Variants in GPCPD1 observed in about 807,000 individuals in gnomAD.
GPCPD1 encodes glycerophosphocholine phosphodiesterase 1.
In GPCPD1, 29 loss-of-function variants were observed where a neutral mutation model predicts 89.2. The ratio of observed to expected loss-of-function variants is 0.33; its 90% CI spans 0.24 to 0.44. GPCPD1 has a LOEUF of 0.44. GPCPD1 is among the 20% of genes least tolerant of loss of function. GPCPD1 has a pLI of 1.00. For synonymous variants in GPCPD1, 258 were observed against 266.3 expected (o/e 0.97, Z 0.30); for missense variants, 594 against 808.9 (o/e 0.73, Z 3.22).
chr20:5,596,617 A>G (rs530075888), intron 3 of GPCPD1, among the ~76,000 whole-genome samples: 67 of 152,298 alleles, frequency 4.4e-4, no homozygotes, highest in Middle Eastern at 3.4e-3. Context: ...AAACAATACC[A>G]TGACCTTCAA....
chr20:5,556,473 G>A (rs1233488324), intron 19 of GPCPD1, among the ~76,000 whole-genome samples: 1 of 152,170 alleles, frequency 6.6e-6, no homozygotes, highest in East Asian at 1.9e-4. Context: ...CAAGGTGCTG[G>A]GATTACAGGC....
chr20:5,605,020 A>C (rs1018628215), intron 1 of GPCPD1, among the ~76,000 whole-genome samples: 1 of 152,078 alleles, frequency 6.6e-6, no homozygotes, highest in Non-Finnish European at 1.5e-5. Flanking sequence ...AATGAATCTC[A>C]ATTATGAGCA....
rs1568661735 is a variant in GPCPD1, at chr20:5,578,548, G to A, written c.537C>T (p.Leu179=). 8 of 1,613,808 alleles carry A rather than the reference G, an allele frequency of 5.0e-6. No homozygotes were observed. The Middle Eastern group carries it at 6.6e-4, about 133-fold the overall frequency. Residue 179 remains leucine (L), a synonymous_variant, in exon 8 of 20, where the codon CTC becomes CTT. Transcript: ENST00000379019. The part of the protein sequence containing the change: ...DDDDRVSPTV[L]HKMSNSLEIS... ...TCTCCAAGCTATTGGACATTTTGTG[G>A]AGTACAGTGGGAGATACCCTATCAT...
chr20:5,591,830 A>G (rs979931131), intron 4 of GPCPD1, among the ~76,000 whole-genome samples: 8 of 152,224 alleles, frequency 5.3e-5, no homozygotes, highest in Non-Finnish European at 1.0e-4. Flanking sequence ...CATGAAAAAC[A>G]TACTTACCAT....
intron 19 of GPCPD1, among the ~76,000 whole-genome samples, chr20:5,557,515 C>T (rs1189001892): frequency 6.6e-6 from 1 of 152,126 alleles, no homozygotes; most frequent in Non-Finnish European, 1.5e-5. Flanking sequence ...ATACTGAAAT[C>T]AGGAAGACTG....
At chr20:5,603,667 G>A (rs183763820) in intron 2 of GPCPD1, among the ~76,000 whole-genome samples, 159 of 151,718 alleles carry the variant, frequency 1.0e-3, no homozygotes, top group African/African-American at 3.6e-3. Flanking sequence ...TTAAGGGACA[G>A]CAAAAAATAC....
At chr20:5,572,599 T>C (rs1259490424) in intron 11 of GPCPD1, among the ~76,000 whole-genome samples, 1 of 152,190 alleles carries the variant, frequency 6.6e-6, no homozygotes, top group African/African-American at 2.4e-5. Context: ...AAGGCAAAGT[T>C]GAGGGCATAT....
intron 2 of GPCPD1, among the ~76,000 whole-genome samples, chr20:5,604,034 A>G (rs1980374845): frequency 6.6e-6 from 1 of 152,212 alleles, no homozygotes; most frequent in Non-Finnish European, 1.5e-5. Context: ...GGCATAAGCC[A>G]CTGCGCCCGG....
intron 7 of GPCPD1, among the ~76,000 whole-genome samples, chr20:5,579,316 T>C (rs988425484): frequency 2.6e-5 from 4 of 152,218 alleles, no homozygotes; most frequent in African/African-American, 7.2e-5. Flanking sequence ...TATTTTCTCT[T>C]TATGGCATTC....
chr20:5,578,581 T>C lies in GPCPD1; in HGVS notation c.504A>G (p.Glu168=). Reference sequence around the variant, plus strand: ...TGGGAGATACCCTATCATCGTCATCTTCCTCCAGGCCTTCTAGTGTCAGCT... The same window carrying C: ...TGGGAGATACCCTATCATCGTCATCCTCCTCCAGGCCTTCTAGTGTCAGCT... ...RVKLTLEGLE[E]DDDDRVSPTV... is the part of the protein sequence containing the mutation. The change falls in exon 8 of 20, where the codon GAA becomes GAG. Residue 168 remains glutamate, a synonymous_variant. Coordinates refer to ENST00000379019, the MANE Select transcript of GPCPD1 (RefSeq NM_019593.5). 1 of 1,612,340 alleles carries C rather than the reference T, an allele frequency of 6.2e-7. No homozygotes were observed. The highest frequency in any genetic ancestry group is 8.5e-7 in the Non-Finnish European group (1 of 1,178,282).
Position 5,573,984 on chromosome 20 carries a change from T to C in GPCPD1, c.1002-15A>G. 7 of 1,293,150 alleles carry C rather than the reference T, an allele frequency of 5.4e-6. No homozygotes were observed. Among genetic ancestry groups the C allele is most frequent in the Non-Finnish European group, 6.8e-6 (6 of 887,516 alleles). The allele number at this position is 1,293,150 out of a possible 1,614,324, so 80.1% of individuals were successfully genotyped here. On this transcript the variant is annotated splice_polypyrimidine_tract_variant and intron_variant, in intron 10 of 19. Transcript: ENST00000379019. Reference sequence around the variant, plus strand: ...CTTTAGCCAGCCTGAAAAGAAGAAATACAGTTAACATAGACTATAGAGAAG... The same window carrying C: ...CTTTAGCCAGCCTGAAAAGAAGAAACACAGTTAACATAGACTATAGAGAAG...
intron 10 of GPCPD1, among the ~76,000 whole-genome samples, chr20:5,575,169 C>T (rs1978286314): frequency 6.6e-6 from 1 of 152,184 alleles, no homozygotes; most frequent in African/African-American, 2.4e-5. Flanking sequence ...GCTCCCAAAG[C>T]TTTCTGCACC....
At chr20:5,604,236 C>T (rs1980387129) in intron 2 of GPCPD1, 128 bp downstream of exon 2, 2 of 617,146 alleles carry the variant, frequency 3.2e-6, no homozygotes, top group African/African-American at 3.7e-5. Flanking sequence ...TGCTGTCAGG[C>T]AAGACCTATA....
At chr20:5,601,318 C>T (rs1028104018) in intron 2 of GPCPD1, among the ~76,000 whole-genome samples, 1 of 150,990 alleles carries the variant, frequency 6.6e-6, no homozygotes, top group African/African-American at 2.4e-5. Flanking sequence ...TATGACTGCA[C>T]CACTGCACTT....
At chr20:5,607,027 C>T (rs1316703121) in intron 1 of GPCPD1, among the ~76,000 whole-genome samples, 2 of 152,208 alleles carry the variant, frequency 1.3e-5, no homozygotes, top group Non-Finnish European at 2.9e-5. Flanking sequence ...TGGCTCATGC[C>T]TGTAATCCCA....
chr20:5,592,152 T>A (rs776387998), intron 4 of GPCPD1, among the ~76,000 whole-genome samples: 3 of 152,200 alleles, frequency 2.0e-5, no homozygotes, highest in Non-Finnish European at 4.4e-5. Context: ...CTCCCCTAAG[T>A]AAAATTTAGT....
chr20:5,553,248 A>T (rs986903020), intron 19 of GPCPD1, among the ~76,000 whole-genome samples: 1 of 152,192 alleles, frequency 6.6e-6, no homozygotes, highest in Non-Finnish European at 1.5e-5. Context: ...GTGATCTATG[A>T]TTAGTGATCT....
chr20:5,583,861 T>C (rs1317911093), intron 6 of GPCPD1, among the ~76,000 whole-genome samples: 1 of 152,222 alleles, frequency 6.6e-6, no homozygotes, highest in Admixed American at 6.5e-5. Context: ...TACTACACAC[T>C]TTTAATTATA....
rs547357795 is a variant in GPCPD1 at position 5,558,092 on chromosome 20, T to A, written c.1682A>T (p.His561Leu). The change falls in exon 19 of 20, where the codon CAT becomes CTT. Residue 561 changes from histidine (H) to leucine (L), a missense_variant. Coordinates refer to ENST00000379019, the MANE Select transcript of GPCPD1 (RefSeq NM_019593.5). Reference protein sequence around the residue: ...QFENLLGINVHTEDLLRNPSY... With the variant: ...QFENLLGINVLTEDLLRNPSY... ...TGGGTTTCTGAGCAAGTCTTCAGTA[T>A]GTACATTTATCCCCTAGAAGAAGAA... 3.8e-6 allele frequency: 6 copies of A among 1,586,624 alleles called. No homozygotes were observed. The highest frequency in any genetic ancestry group is 1.4e-5 in the African/African-American group (1 of 73,846).
Sources: allele counts gnomAD v4.1 joint callset (sites outside exome capture counted in the v4.1 genomes callset), GRCh38; gene constraint gnomAD v4.1.1; transcripts MANE v1.5; gene names NCBI Gene and HGNC (gene_info 2026-07-23, HGNC 2026-07-21).